The following ULK2 variants were observed in gnomAD, a reference collection of about 807,000 sequenced individuals.
The protein encoded by ULK2 is unc-51 like autophagy activating kinase 2, also known as serine/threonine-protein kinase ULK2.
A neutral mutation model predicts 127.5 loss-of-function variants in ULK2; 76 were observed. The ratio of observed to expected loss-of-function variants is 0.60; its 90% CI spans 0.50 to 0.72. The LOEUF is 0.72. ULK2 is among the 30% of genes least tolerant of loss of function. The pLI, the probability that ULK2 is intolerant of heterozygous loss-of-function variation, is 0.00. For synonymous variants in ULK2, 452 were observed against 461.9 expected (o/e 0.98, Z 0.28); for missense variants, 1,144 against 1,295.9 (o/e 0.88, Z 1.80).
chr17:19,867,412 C>T lies in ULK2; in HGVS notation c.6G>A (p.Glu2=), dbSNP rs768701140. ...TGCTGTACTCGAAGTCACCCACCAC[C>T]TCCATGGCCGCGCCCCCGGGGCACA... M[E]VVGDFEYSKR... Residue 2 remains glutamate, a synonymous_variant, in exon 1 of 27, where the codon GAG becomes GAA. Coordinates refer to ENST00000395544, the MANE Select transcript of ULK2 (RefSeq NM_014683.4). The T allele has an allele frequency of 6.3e-7, 1 of 1,595,272 alleles. No individual in the cohort carries two copies.
intron 20 of ULK2, among the ~76,000 whole-genome samples, chr17:19,787,712 A>C (rs2087064155): frequency 6.6e-6 from 1 of 152,252 alleles, no homozygotes. Context: ...CCCACCTCCC[A>C]AAAATTTGCA....
At chr17:19,802,834 T>G (rs557911731) in intron 15 of ULK2, among the ~76,000 whole-genome samples, 50 of 152,346 alleles carry the variant, frequency 3.3e-4, no homozygotes, top group African/African-American at 1.1e-3. Flanking sequence ...TGAATGAAAT[T>G]TTTACCTGTG....
At chr17:19,822,965 CG>C (rs2041195567) in intron 12 of ULK2, among the ~76,000 whole-genome samples, 1 of 150,744 alleles carries the variant, frequency 6.6e-6, no homozygotes, top group Non-Finnish European at 1.5e-5. Context: ...GGATTACAGG[CG>C]TGAGTCACCA....
intron 9 of ULK2, 30 bp downstream of exon 9, chr17:19,841,459 A>T: frequency 5.1e-6 from 8 of 1,559,528 alleles, no homozygotes; most frequent in Non-Finnish European, 6.9e-6. Context: ...ATTCACAAAT[A>T]GTAAAACCCA....
chr17:19,849,241 T>C (rs2041961447), intron 5 of ULK2, 128 bp downstream of exon 5: 1 of 829,964 alleles, frequency 1.2e-6, no homozygotes, highest in Admixed American at 2.8e-5. Flanking sequence ...GTCAAACAAA[T>C]ACACAAATAT....
In ULK2 at chr17:19,858,673, G is replaced by GA. The variant is rs892912797; in HGVS notation, c.225+6129dup. Among the ~76,000 whole-genome samples, 39 of 149,292 alleles carry GA rather than the reference G, an allele frequency of 2.6e-4. No individual in the cohort carries two copies. In the East Asian group the frequency reaches 2.7e-3, roughly 10 times the overall value. On this transcript the variant is annotated intron_variant, in intron 3 of 26. Transcript: ENST00000395544. ...GATGACTGATACCCTAATGGTTTAA[G>GA]AAAAAAAAAATACCAGCTGGGCGCA...
intron 18 of ULK2, among the ~76,000 whole-genome samples, chr17:19,796,792 C>T (rs115038502): frequency 6.2e-4 from 94 of 152,226 alleles, no homozygotes; most frequent in African/African-American, 2.1e-3. Context: ...TCAGGGTCTG[C>T]GGGTGAGACC....
rs1407311557 is a variant in ULK2 at position 19,810,454 on chromosome 17, GAACA to G, written c.1097-20_1097-17del. The G allele has an allele frequency of 1.9e-6, 3 of 1,552,442 alleles. No homozygotes were observed. Among genetic ancestry groups the G allele is most frequent in the South Asian group, 1.2e-5 (1 of 84,716 alleles). On this transcript the variant is annotated splice_polypyrimidine_tract_variant and intron_variant, in intron 13 of 26. Transcript: ENST00000395544. The stretch of plus-strand genomic sequence containing the variant: ...GGCATATCACCTAAAGGAGAGAAAA[GAACA>G]ATCAGTTCCTGTTATACCATCTGCT...
In ULK2 at chr17:19,796,283, CT is replaced by C. The variant is rs1291181763; in HGVS notation, c.1810-2del. On this transcript the variant is annotated splice_acceptor_variant, in intron 18 of 26. Coordinates refer to ENST00000395544, the MANE Select transcript of ULK2 (RefSeq NM_014683.4). LOFTEE classifies it high-confidence loss of function. ...TAGGGATTTTGAAAGGAGCTGTGGT[CT>C]AAAGAGACATATATATATATATATA... 1 of 1,507,806 alleles carries C rather than the reference CT, an allele frequency of 6.6e-7. No homozygotes were observed. Among genetic ancestry groups the C allele is most frequent in the Non-Finnish European group, 8.8e-7 (1 of 1,135,984 alleles). 93.4% of individuals were successfully genotyped at this position (1,507,806 alleles called of 1,614,324 possible).
At chr17:19,828,791 C>G (rs1328692433) in intron 10 of ULK2, among the ~76,000 whole-genome samples, 2 of 152,134 alleles carry the variant, frequency 1.3e-5, no homozygotes, top group Non-Finnish European at 2.9e-5. Context: ...GGAAATAATC[C>G]AACTATAATC....
intron 26 of ULK2, 150 bp downstream of exon 26, chr17:19,777,431 T>C (rs1567669113): frequency 1.2e-6 from 1 of 815,032 alleles, no homozygotes. Flanking sequence ...AAAAAGAAGC[T>C]GAGGCCACAC....
chr17:19,845,613 G>A (rs998839794), intron 6 of ULK2, among the ~76,000 whole-genome samples: 13 of 152,114 alleles, frequency 8.5e-5, no homozygotes, highest in African/African-American at 3.1e-4. Flanking sequence ...CAAGGTGTAC[G>A]AAACTTTGCA....
In ULK2 at chr17:19,797,639, C is replaced by T. The variant is rs977250980; in HGVS notation, c.1566G>A (p.Ser522=). The change falls in exon 18 of 27, where the codon TCG becomes TCA. Residue 522 remains serine (S), a synonymous_variant. Transcript: ENST00000395544. The part of the protein sequence containing the change: ...PQAQSPQSLL[S]GARLQSAPTL... ...TGGGGGCGCTCTGCAGTCTAGCACC[C>T]GATAAGAGAGACTGTGGGGACTGAG... is the stretch of plus-strand genomic sequence containing the variant. 6.9e-6 allele frequency: 11 copies of T among 1,591,744 alleles called. No homozygotes were observed. The highest frequency in any genetic ancestry group is 2.3e-5 in the East Asian group (1 of 43,918).
chr17:19,841,651 G>T (rs2041761062), intron 8 of ULK2, 104 bp from the exon 9 acceptor site: 2 of 803,208 alleles, frequency 2.5e-6, no homozygotes, highest in Non-Finnish European at 3.7e-6. Context: ...TGAGGGAGTG[G>T]GAGTTTCAAG....
In ULK2 at chr17:19,773,329, C is replaced by T. The variant is rs1399183714; in HGVS notation, c.*3020G>A. 6.6e-6 allele frequency: 1 copy of T among 152,184 alleles called. No individual in the cohort carries two copies. The highest frequency in any genetic ancestry group is 6.5e-5 in the Admixed American group (1 of 15,284). The allele number at this position is 152,184 out of a possible 1,614,324, so 9.4% of individuals were successfully genotyped here. On this transcript the variant is annotated 3_prime_UTR_variant, in exon 27 of 27. Transcript: ENST00000395544. The stretch of plus-strand genomic sequence containing the variant: ...TTCTTCAGATATCTGAGTCCAGGTC[C>T]TCATGTCCACTGTGTCTAACTCAAC...
At chr17:19,791,127 C>T (rs1597719546) in intron 20 of ULK2, among the ~76,000 whole-genome samples, 1 of 152,222 alleles carries the variant, frequency 6.6e-6, no homozygotes, top group African/African-American at 2.4e-5. Flanking sequence ...AAACATCAGA[C>T]TTAATCTGCA....
chr17:19,784,466 A>C (rs2086984560), intron 21 of ULK2, among the ~76,000 whole-genome samples: 1 of 146,094 alleles, frequency 6.8e-6, no homozygotes, highest in Admixed American at 6.9e-5. Flanking sequence ...CGCAGCCCTG[A>C]GTAAGCACAT....
intron 12 of ULK2, among the ~76,000 whole-genome samples, chr17:19,823,715 A>G (rs557822206): frequency 6.6e-6 from 1 of 152,274 alleles, no homozygotes; most frequent in Non-Finnish European, 1.5e-5. Context: ...GACCGGCCCA[A>G]AGTCACTGAG....
At chr17:19,867,186 G>C in intron 1 of ULK2, 142 bp downstream of exon 1, 1 of 614,278 alleles carries the variant, frequency 1.6e-6, no homozygotes, top group South Asian at 2.5e-5. Context: ...CAAAACAAAC[G>C]GCGAGACGGG....
Sources: allele counts gnomAD v4.1 joint callset (sites outside exome capture counted in the v4.1 genomes callset), GRCh38; gene constraint gnomAD v4.1.1; transcripts MANE v1.5; gene names NCBI Gene and HGNC (gene_info 2026-07-23, HGNC 2026-07-21).